Variants in DPYD observed in about 807,000 individuals in gnomAD.
DPYD encodes the protein dihydropyrimidine dehydrogenase, also known as dihydropyrimidine dehydrogenase [NADP(+)].
A neutral mutation model predicts 116.2 loss-of-function variants in DPYD; 109 were observed. The ratio of observed to expected loss-of-function variants is 0.94; its 90% CI spans 0.80 to 1.10. The LOEUF is 1.10. DPYD is among the 50% of genes least tolerant of loss of function. The probability of loss-of-function intolerance (pLI) is 0.00; values close to 1 mark genes in which losing one functional copy is unlikely to be tolerated. For missense variants in DPYD, 1,302 were observed against 1,254.5 expected (o/e 1.04, Z -0.57); for synonymous variants, 440 against 432.0 (o/e 1.02, Z -0.23).
intron 13 of DPYD, among the ~76,000 whole-genome samples, chr1:97,473,242 T>C (rs1416643545): frequency 2.0e-5 from 3 of 152,342 alleles, no homozygotes; most frequent in Non-Finnish European, 2.9e-5. Context: ...TGTCTTTCTA[T>C]GTCTGGCTTA....
At chr1:97,126,896 T>C (rs183826553) in intron 20 of DPYD, among the ~76,000 whole-genome samples, 38 of 152,314 alleles carry the variant, frequency 2.5e-4, no homozygotes, top group Admixed American at 5.2e-4. Flanking sequence ...TTTAGGACTT[T>C]TGTACCTTGC....
chr1:97,799,782 T>C (rs1667759050), intron 3 of DPYD, among the ~76,000 whole-genome samples: 1 of 152,042 alleles, frequency 6.6e-6, no homozygotes, highest in African/African-American at 2.4e-5. Flanking sequence ...TAAAGTATTT[T>C]ATACCTGCAG....
intron 19 of DPYD, among the ~76,000 whole-genome samples, chr1:97,222,542 T>G (rs1410986632): frequency 6.6e-6 from 1 of 152,106 alleles, no homozygotes; most frequent in East Asian, 1.9e-4. Flanking sequence ...TAAACAACAT[T>G]TGTTGCACTA....
At chr1:97,539,915 T>C (rs553133699) in intron 12 of DPYD, among the ~76,000 whole-genome samples, 62 of 152,268 alleles carry the variant, frequency 4.1e-4, no homozygotes, top group African/African-American at 1.3e-3. Context: ...TGCAACCAAA[T>C]CTGTCTATAT....
At chr1:97,262,664 T>C (rs1018788655) in intron 18 of DPYD, among the ~76,000 whole-genome samples, 1 of 152,098 alleles carries the variant, frequency 6.6e-6, no homozygotes, top group Non-Finnish European at 1.5e-5. Context: ...ATATTTTCTT[T>C]TACCAGAAGC....
intron 20 of DPYD, among the ~76,000 whole-genome samples, chr1:97,157,106 G>T (rs1655521513): frequency 7.2e-6 from 1 of 138,274 alleles, no homozygotes; most frequent in Non-Finnish European, 1.6e-5. Flanking sequence ...ATCACACTCT[G>T]GGGACTGTTG....
At chr1:97,504,923 T>C (rs1647209349) in intron 13 of DPYD, among the ~76,000 whole-genome samples, 1 of 151,740 alleles carries the variant, frequency 6.6e-6, no homozygotes, top group African/African-American at 2.4e-5. Context: ...AGGAATCCAT[T>C]CCCTCTTGTG....
At chr1:97,797,288 AC>A (rs1667621085) in intron 3 of DPYD, 1 of 152,152 alleles carries the variant, frequency 6.6e-6, no homozygotes, top group African/African-American at 2.4e-5. Flanking sequence ...CAGCTCGGCA[AC>A]CCTGAGGTAT....
chr1:97,693,966 AG>A (rs1287226533), intron 6 of DPYD, among the ~76,000 whole-genome samples: 1 of 152,202 alleles, frequency 6.6e-6, no homozygotes, highest in African/African-American at 2.4e-5. Flanking sequence ...AAAAAAATAA[AG>A]GAAGGAACAC....
At chr1:97,288,881 A>G (rs1665927565) in intron 18 of DPYD, among the ~76,000 whole-genome samples, 1 of 152,126 alleles carries the variant, frequency 6.6e-6, no homozygotes, top group African/African-American at 2.4e-5. Flanking sequence ...CCCTTCAAAA[A>G]ATTAATGAAT....
intron 7 of DPYD, among the ~76,000 whole-genome samples, chr1:97,679,939 G>A (rs1016400698): frequency 6.6e-6 from 1 of 152,042 alleles, no homozygotes; most frequent in East Asian, 1.9e-4. Context: ...AAGCAACTAA[G>A]CCCTGGAAAA....
Position 97,118,446 on chromosome 1 carries a change from AAC to A in DPYD, c.2623-19816_2623-19815del, listed in dbSNP as rs1210916574. Among the ~76,000 whole-genome samples the A allele has an allele frequency of 3.9e-5, 6 of 152,262 alleles. No individual in the cohort carries two copies. In the East Asian group the frequency reaches 1.2e-3, roughly 29 times the overall value. ...TTTCCAACATACAAAGCCATTTAAA[AAC>A]ACACAGGTAGAAAGCAAGAGATAAC... On this transcript the variant is annotated intron_variant, in intron 20 of 22. Coordinates refer to ENST00000370192, the MANE Select transcript of DPYD (RefSeq NM_000110.4).
At chr1:97,152,870 T>C (rs1239413191) in intron 20 of DPYD, among the ~76,000 whole-genome samples, 1 of 152,124 alleles carries the variant, frequency 6.6e-6, no homozygotes, top group African/African-American at 2.4e-5. Flanking sequence ...ATATAACTTG[T>C]CTTATTTTTA....
chr1:97,144,454 C>T lies in DPYD; in HGVS notation c.2623-45822G>A, dbSNP rs1654461189. On this transcript the variant is annotated intron_variant, in intron 20 of 22. Transcript: ENST00000370192. ...ATTTCAGTTATATTAACAATCTGTTCCTGCTTTGGTGGTCTGGAAAGAATG... is the reference window on the plus strand; with the variant it reads ...ATTTCAGTTATATTAACAATCTGTTTCTGCTTTGGTGGTCTGGAAAGAATG... 2.0e-5 allele frequency among the ~76,000 whole-genome samples: 3 copies of T among 152,240 alleles called. No homozygotes were observed. In the South Asian group the frequency reaches 6.2e-4, roughly 32 times the overall value.
chr1:97,485,197 T>G (rs1678551028), intron 13 of DPYD, among the ~76,000 whole-genome samples: 1 of 152,070 alleles, frequency 6.6e-6, no homozygotes, highest in Admixed American at 6.6e-5. Context: ...TGACATACTC[T>G]CGTTTGTTTT....
intron 11 of DPYD, among the ~76,000 whole-genome samples, chr1:97,572,762 C>A (rs1297508827): frequency 6.6e-6 from 1 of 151,974 alleles, no homozygotes; most frequent in East Asian, 1.9e-4. Context: ...CATTAAACAT[C>A]TGGATGTTTC....
intron 20 of DPYD, among the ~76,000 whole-genome samples, chr1:97,163,611 T>C (rs1038034209): frequency 2.0e-5 from 3 of 152,312 alleles, no homozygotes; most frequent in Non-Finnish European, 2.9e-5. Flanking sequence ...TTCTGCTTTC[T>C]AGATAGCGCC....
intron 19 of DPYD, among the ~76,000 whole-genome samples, chr1:97,205,157 T>A (rs982424641): frequency 9.2e-5 from 14 of 152,188 alleles, no homozygotes; most frequent in Middle Eastern, 3.4e-3. Context: ...AATATTGATA[T>A]GCTATTATTA....
intron 14 of DPYD, among the ~76,000 whole-genome samples, chr1:97,423,392 G>C (rs1674686974): frequency 6.6e-6 from 1 of 152,040 alleles, no homozygotes; most frequent in Non-Finnish European, 1.5e-5. Context: ...TAGGTGGAAG[G>C]AAAGCAGCAA....
Sources: gnomAD v4.1 joint callset for allele counts (sites outside exome capture counted in the v4.1 genomes callset) on GRCh38, gnomAD v4.1.1 for gene constraint, MANE v1.5 for transcripts, NCBI Gene and HGNC (gene_info 2026-07-23, HGNC 2026-07-21) for gene names.